ZNF253: variants seen among roughly 807,000 people sequenced by gnomAD.
ZNF253 encodes DNA-binding protein.
Under a neutral mutation model 11.9 loss-of-function variants are expected in ZNF253, and 8 were observed. The observed-to-expected ratio is 0.67, with a 90% CI of 0.40 to 1.22. The LOEUF is 1.22. ZNF253 is among the 50% of genes most tolerant of loss of function. The pLI, the probability that ZNF253 is intolerant of heterozygous loss-of-function variation, is 0.01. For missense variants in ZNF253, 485 were observed against 586.9 expected (o/e 0.83, Z 1.79); for synonymous variants, 194 against 194.9 (o/e 1.00, Z 0.04).
Position 19,892,548 on chromosome 19 carries a change from C to G in ZNF253, c.1301C>G (p.Thr434Ser). The part of the protein sequence containing the change: ...YKCEECGKSF[T>S]ASSTLTTHKR... The stretch of plus-strand genomic sequence containing the variant: ...TGTGAAGAATGTGGCAAATCCTTTA[C>G]TGCATCCTCAACTCTAACTACACAT... The change falls in exon 4 of 4, where the codon ACT (threonine) becomes AGT (serine). Residue 434 changes from threonine (T) to serine (S), a missense_variant. Coordinates refer to ENST00000589717, the MANE Select transcript of ZNF253 (RefSeq NM_021047.3). 6.2e-7 allele frequency: 1 copy of G among 1,610,666 alleles called. No individual in the cohort carries two copies. The highest frequency in any genetic ancestry group is 8.5e-7 in the Non-Finnish European group (1 of 1,178,876).
chr19:19,866,740 C>G (rs2063112950), intron 1 of ZNF253, among the ~76,000 whole-genome samples: 1 of 152,102 alleles, frequency 6.6e-6, no homozygotes, highest in Non-Finnish European at 1.5e-5. Context: ...TCAGTTGATC[C>G]GCCCGCCTCG....
intron 3 of ZNF253, among the ~76,000 whole-genome samples, chr19:19,888,662 T>G (rs1233731687): frequency 6.6e-6 from 1 of 152,186 alleles, no homozygotes; most frequent in South Asian, 2.1e-4. Context: ...TGTTATATAT[T>G]CATTAACAGA....
At position 19,892,193 on chromosome 19, in the gene ZNF253, G is replaced by T; in HGVS notation, c.946G>T (p.Glu316Ter). 2 of 1,613,698 alleles carry T rather than the reference G, an allele frequency of 1.2e-6. No individual in the cohort carries two copies. The highest frequency in any genetic ancestry group is 1.7e-6 in the Non-Finnish European group (2 of 1,179,860). The change falls in exon 4 of 4, where the codon GAA becomes TAA. Residue 316 changes from glutamate (E) to a stop codon, truncating the protein, a stop_gained. Transcript: ENST00000589717. LOFTEE classifies it low-confidence loss of function (END_TRUNC). The stretch of plus-strand genomic sequence containing the variant: ...TAGAGGGAAACCCTACAACTGTGAA[G>T]AATGTGGCAAATCCTTTAAGCACTG... ...HTRGKPYNCE[E>*]CGKSFKHCSN... is the part of the protein sequence containing the mutation.
intron 3 of ZNF253, among the ~76,000 whole-genome samples, chr19:19,884,900 T>C (rs1039023404): frequency 6.6e-6 from 1 of 152,228 alleles, no homozygotes; most frequent in Non-Finnish European, 1.5e-5. Flanking sequence ...AGTAATTTTG[T>C]GTGTGCTTTC....
rs35114806 is a variant in ZNF253, at chr19:19,890,498, TTGTGTGTGTG to T, written c.227-941_227-932del. Among the ~76,000 whole-genome samples, 337 of 141,044 alleles carry T rather than the reference TTGTGTGTGTG, an allele frequency of 2.4e-3. 3 individuals carry two copies. The highest frequency in any genetic ancestry group is 7.9e-3 in the African/African-American group (298 of 37,866). The allele number at this position is 141,044 out of a possible 152,430, so 92.5% of individuals were successfully genotyped here. A position where few individuals can be genotyped will look rare whatever the true frequency, so the allele number is the denominator to read the frequency against. On this transcript the variant is annotated intron_variant, in intron 3 of 3. Transcript: ENST00000589717. ...GAAACCAGGAGTTGGCAATTTATAT[TTGTGTGTGTG>T]TGTGTGTGTGTGTGTGTGTGTGTGT...
At chr19:19,880,581 TG>T (rs1454814934) in intron 3 of ZNF253, among the ~76,000 whole-genome samples, 2 of 152,010 alleles carry the variant, frequency 1.3e-5, no homozygotes, top group African/African-American at 4.8e-5. Context: ...GGTGGGCACC[TG>T]TAATCCCAGC....
intron 1 of ZNF253, among the ~76,000 whole-genome samples, chr19:19,875,974 G>GT (rs1368323445): frequency 1.3e-5 from 2 of 152,120 alleles, no homozygotes; most frequent in Non-Finnish European, 2.9e-5. Flanking sequence ...TGTACATGTT[G>GT]TTTTTTAAAT....
intron 3 of ZNF253, among the ~76,000 whole-genome samples, chr19:19,888,170 T>G (rs2063214082): frequency 6.6e-6 from 1 of 151,906 alleles, no homozygotes; most frequent in Non-Finnish European, 1.5e-5. Context: ...TTCAAGTAAT[T>G]CTCCTGTCTC....
At position 19,866,017 on chromosome 19, in the gene ZNF253, C is replaced by A; in HGVS notation, c.3+18C>A. ...TAGAAATGGTGAGTGCCGGGTCCAA[C>A]GTCCCGAGAGAGGGGAGAGGCTGTT... On this transcript the variant is annotated intron_variant, in intron 1 of 3. Coordinates refer to ENST00000589717, the MANE Select transcript of ZNF253 (RefSeq NM_021047.3). 1.2e-6 allele frequency: 2 copies of A among 1,614,150 alleles called. No individual in the cohort carries two copies. The highest frequency in any genetic ancestry group is 1.7e-6 in the Non-Finnish European group (2 of 1,180,020).
At chr19:19,884,601 A>G (rs2063190970) in intron 3 of ZNF253, among the ~76,000 whole-genome samples, 2 of 152,080 alleles carry the variant, frequency 1.3e-5, no homozygotes, top group East Asian at 1.9e-4. Flanking sequence ...TGAACTTCTG[A>G]CCTCAGGTGA....
intron 1 of ZNF253, 138 bp downstream of exon 1, chr19:19,866,137 G>T: frequency 1.7e-6 from 2 of 1,148,516 alleles, no homozygotes; most frequent in East Asian, 2.4e-5. Context: ...CTCGGCCTCA[G>T]TCCCCTTCAG....
chr19:19,891,007 A>ATTTTTTTTTTTTTTTTTTTTTT (rs1568501169), intron 3 of ZNF253, among the ~76,000 whole-genome samples: 8 of 149,818 alleles, frequency 5.3e-5, no homozygotes, highest in African/African-American at 2.0e-4. Flanking sequence ...TGTCTGGCTA[A>ATTTTTTTTTTTTTTTTTTTTTT]TTTTTTGTAT....
chr19:19,877,867 CCTTT>C (rs2063161818), intron 1 of ZNF253, among the ~76,000 whole-genome samples: 1 of 152,090 alleles, frequency 6.6e-6, no homozygotes, highest in Non-Finnish European at 1.5e-5. Flanking sequence ...TGGCGTCTAT[CCTTT>C]CTTCTCTTTT....
Position 19,877,031 on chromosome 19 carries a change from C to T in ZNF253, c.4-1450C>T, listed in dbSNP as rs117799460. Among the ~76,000 whole-genome samples, 1,488 of 152,222 alleles carry T rather than the reference C, an allele frequency of 9.8e-3. 13 individuals carry two copies. Among genetic ancestry groups the T allele is most frequent in the South Asian group, 0.028 (135 of 4,814 alleles). On this transcript the variant is annotated intron_variant, in intron 1 of 3. Transcript: ENST00000589717. ...TTGAACATGGAAAGACGTGGATACT[C>T]AAGATTTCTATTGGGGAAAACTGTG...
At chr19:19,868,018 G>GT (rs995057936) in intron 1 of ZNF253, among the ~76,000 whole-genome samples, 1 of 149,348 alleles carries the variant, frequency 6.7e-6, no homozygotes, top group Non-Finnish European at 1.5e-5. Context: ...ATCTATTCAT[G>GT]TTTTTTTGGC....
At chr19:19,884,829 A>C (rs2122126704) in intron 3 of ZNF253, among the ~76,000 whole-genome samples, 1 of 152,268 alleles carries the variant, frequency 6.6e-6, no homozygotes, top group Non-Finnish European at 1.5e-5. Flanking sequence ...TATAGTGGCC[A>C]TTCTAATGGG....
intron 2 of ZNF253, 65 bp from the exon 3 acceptor site, chr19:19,879,986 C>T: frequency 9.5e-7 from 1 of 1,048,928 alleles, no homozygotes; most frequent in East Asian, 2.8e-5. Context: ...CTCTGCTGAG[C>T]ACAGTACTAG....
chr19:19,878,725 C>A, intron 2 of ZNF253, 118 bp downstream of exon 2: 1 of 1,125,852 alleles, frequency 8.9e-7, no homozygotes, highest in African/African-American at 1.6e-5. Context: ...AGGCATAAGC[C>A]ACTGCGCCTG....
chr19:19,886,757 A>T (rs1378785973), intron 3 of ZNF253, among the ~76,000 whole-genome samples: 1 of 152,234 alleles, frequency 6.6e-6, no homozygotes, highest in Non-Finnish European at 1.5e-5. Context: ...CCAAACTGTG[A>T]GCCAAATAAA....
Sources: allele counts gnomAD v4.1 joint callset (sites outside exome capture counted in the v4.1 genomes callset), GRCh38; gene constraint gnomAD v4.1.1; transcripts MANE v1.5; gene names NCBI Gene and HGNC (gene_info 2026-07-23, HGNC 2026-07-21).